Variants in ITPR1 observed in about 807,000 individuals in gnomAD.
The protein encoded by ITPR1 is inositol 1,4,5-trisphosphate receptor type 1, also known as inositol 1,4,5-trisphosphate-gated calcium channel ITPR1.
ITPR1 carries 96 observed loss-of-function variants against 318.4 expected under a neutral mutation model. The ratio of observed to expected loss-of-function variants is 0.30; its 90% CI spans 0.26 to 0.36. The LOEUF (loss-of-function observed/expected upper bound fraction) is 0.36, where lower values mean the gene tolerates loss of function less well. Ranked by LOEUF, ITPR1 falls within the 10% of genes least tolerant of loss-of-function variation. ITPR1 has a pLI of 1.00. For missense variants in ITPR1, 2,440 were observed against 3,460.2 expected, an observed-to-expected ratio of 0.71 and a Z score of 7.40; for synonymous variants, 1,312 against 1,289.9, an observed-to-expected ratio of 1.02 and a Z score of -0.37.
chr3:4,652,070 G>A (rs1348784804), intron 10 of ITPR1, 53 bp from the exon 11 acceptor site: 7 of 1,338,348 alleles, frequency 5.2e-6, no homozygotes, highest in Non-Finnish European at 7.4e-6. Context: ...CCGATTTAAT[G>A]TCTTCCTAGT....
At chr3:4,783,033 C>G (rs1264965257) in intron 50 of ITPR1, among the ~76,000 whole-genome samples, 1 of 152,220 alleles carries the variant, frequency 6.6e-6, no homozygotes, top group Admixed American at 6.5e-5. Flanking sequence ...TGTCTGGAGA[C>G]AGTTGAAAGG....
At chr3:4,520,375 T>C (rs1482300671) in intron 3 of ITPR1, among the ~76,000 whole-genome samples, 1 of 152,204 alleles carries the variant, frequency 6.6e-6, no homozygotes, top group Non-Finnish European at 1.5e-5. Flanking sequence ...TCCCCACTAG[T>C]TGCTTTTGAT....
At chr3:4,551,495 T>C (rs2085560450) in intron 4 of ITPR1, among the ~76,000 whole-genome samples, 1 of 152,184 alleles carries the variant, frequency 6.6e-6, no homozygotes. Flanking sequence ...GTGTCCATGC[T>C]TCTTATCTAG....
chr3:4,783,941 G>T, intron 51 of ITPR1, 21 bp downstream of exon 51: 1 of 1,548,950 alleles, frequency 6.5e-7, no homozygotes, highest in East Asian at 2.3e-5. Context: ...AGTAAACTCA[G>T]GGCATGGGGT....
intron 5 of ITPR1, among the ~76,000 whole-genome samples, chr3:4,634,697 T>C (rs576329770): frequency 6.6e-6 from 1 of 152,310 alleles, no homozygotes; most frequent in East Asian, 1.9e-4. Context: ...TTTTCCCTAC[T>C]CTCCTACCCC....
At chr3:4,814,352 C>A in intron 57 of ITPR1, 71 bp from the exon 58 acceptor site, 1 of 1,508,324 alleles carries the variant, frequency 6.6e-7, no homozygotes, top group South Asian at 1.1e-5. Flanking sequence ...ATTCAGGAAA[C>A]AGGATTTCAA....
chr3:4,840,887 T>C (rs2051295260), intron 61 of ITPR1, among the ~76,000 whole-genome samples: 1 of 152,200 alleles, frequency 6.6e-6, no homozygotes, highest in Non-Finnish European at 1.5e-5. Flanking sequence ...TTCTTGAAAA[T>C]ATGACTGGCT....
At chr3:4,765,103 C>A (rs2045730639) in intron 44 of ITPR1, among the ~76,000 whole-genome samples, 1 of 151,950 alleles carries the variant, frequency 6.6e-6, no homozygotes, top group Admixed American at 6.6e-5. Flanking sequence ...CAGTAAAAGG[C>A]AATGAAGGAC....
rs2050109388 is a variant in ITPR1 at position 4,826,832 on chromosome 3, G to A, written c.8028+8590G>A. ...TCTGACCTTCGTGGAGGGTGTGCCA[G>A]GTGCCGTTTGTAACAATGAGTTGAG... On this transcript the variant is annotated intron_variant, in intron 60 of 61. Coordinates refer to ENST00000649015, the MANE Select transcript of ITPR1 (RefSeq NM_001378452.1). The surrounding 1 kb of genome is among the most constrained non-coding windows in gnomAD (Gnocchi z 4.2). Among the ~76,000 whole-genome samples the A allele has an allele frequency of 6.6e-6, 1 of 152,202 alleles. No individual in the cohort carries two copies. The highest frequency in any genetic ancestry group is 1.5e-5 in the Non-Finnish European group (1 of 68,032).
intron 4 of ITPR1, among the ~76,000 whole-genome samples, chr3:4,557,068 A>G (rs1200365023): frequency 1.3e-5 from 2 of 152,316 alleles, no homozygotes; most frequent in South Asian, 4.1e-4. Context: ...TTGACAATTG[A>G]TGACTTGAGC....
At chr3:4,820,183 A>T (rs1230586786) in intron 60 of ITPR1, among the ~76,000 whole-genome samples, 1 of 151,744 alleles carries the variant, frequency 6.6e-6, no homozygotes, top group African/African-American at 2.4e-5. Flanking sequence ...GGCAAATTAA[A>T]CCCTACTCGA....
intron 35 of ITPR1, among the ~76,000 whole-genome samples, chr3:4,700,355 C>T (rs1287681133): frequency 3.3e-5 from 5 of 152,192 alleles, no homozygotes; most frequent in African/African-American, 9.7e-5. Flanking sequence ...CATGCATGGT[C>T]ATCTCATATA....
chr3:4,693,211 C>T (rs1015698925), intron 32 of ITPR1, among the ~76,000 whole-genome samples: 1 of 152,216 alleles, frequency 6.6e-6, no homozygotes, highest in African/African-American at 2.4e-5. Context: ...AGCTTGCAAT[C>T]TCTGTTTCCA....
chr3:4,786,429 C>A (rs2047201579), intron 51 of ITPR1, among the ~76,000 whole-genome samples: 2 of 152,220 alleles, frequency 1.3e-5, no homozygotes, highest in Non-Finnish European at 2.9e-5. Context: ...GAACCTGTCT[C>A]ACCTCTAAGA....
At chr3:4,715,188 A>G (rs2041677956) in intron 39 of ITPR1, among the ~76,000 whole-genome samples, 1 of 152,236 alleles carries the variant, frequency 6.6e-6, no homozygotes, top group Non-Finnish European at 1.5e-5. Flanking sequence ...GTCCGATCCT[A>G]GAGTCCTAGC....
intron 42 of ITPR1, among the ~76,000 whole-genome samples, chr3:4,731,738 G>T (rs1418314013): frequency 6.6e-6 from 1 of 151,952 alleles, no homozygotes; most frequent in Non-Finnish European, 1.5e-5. Flanking sequence ...TTCCTCCTTG[G>T]TCCCCCACTT....
intron 44 of ITPR1, among the ~76,000 whole-genome samples, chr3:4,758,098 A>G (rs1490907492): frequency 6.6e-6 from 1 of 152,146 alleles, no homozygotes; most frequent in African/African-American, 2.4e-5. Flanking sequence ...CTTGGCCTTA[A>G]CCTGAGAACT....
intron 41 of ITPR1, among the ~76,000 whole-genome samples, chr3:4,726,659 G>T (rs2042538130): frequency 6.6e-6 from 1 of 152,168 alleles, no homozygotes; most frequent in South Asian, 2.1e-4. Context: ...TTTGTTACAA[G>T]ACTTGTGTAC....
rs894138873 is a variant in ITPR1, at chr3:4,706,160, T to C, written c.4658-7T>C. ...GTAGGCTCACGACTCATCTTTCTCC[T>C]GTGCAGCCAAGAGCCGGGCCATTGC... On this transcript the variant is annotated splice_region_variant and splice_polypyrimidine_tract_variant and intron_variant, in intron 36 of 61. Coordinates refer to ENST00000649015, the MANE Select transcript of ITPR1 (RefSeq NM_001378452.1). 6.2e-7 allele frequency: 1 copy of C among 1,614,014 alleles called. No homozygotes were observed. Among genetic ancestry groups the C allele is most frequent in the African/African-American group, 1.3e-5 (1 of 75,064 alleles).
Sources: gnomAD v4.1 joint callset for allele counts (sites outside exome capture counted in the v4.1 genomes callset) on GRCh38, gnomAD v4.1.1 for gene constraint, Gnocchi (gnomAD v3.1) non-coding constraint, MANE v1.5 for transcripts, NCBI Gene and HGNC (gene_info 2026-07-23, HGNC 2026-07-21) for gene names.